The following PLD5 variants were observed in gnomAD, a reference collection of about 807,000 sequenced individuals.
PLD5 encodes phospholipase D family member 5, also known as inactive phospholipase D5.
A neutral mutation model predicts 61.1 loss-of-function variants in PLD5; 36 were observed. The observed-to-expected ratio is 0.59, with a 90% CI of 0.45 to 0.78. PLD5 has a LOEUF of 0.78. Ranked by LOEUF, PLD5 falls within the 30% of genes least tolerant of loss-of-function variation. PLD5 has a pLI of 0.00. For synonymous variants in PLD5, 243 were observed against 242.8 expected (o/e 1.00, Z -0.01); for missense variants, 515 against 644.4 (o/e 0.80, Z 2.17).
chr1:242,169,752 G>T (rs1666603454), intron 5 of PLD5, among the ~76,000 whole-genome samples: 1 of 152,176 alleles, frequency 6.6e-6, no homozygotes, highest in Non-Finnish European at 1.5e-5. Context: ...TTGTGGGAGG[G>T]GAGTCCACCA....
At chr1:242,323,194 G>C (rs529190136) in intron 2 of PLD5, among the ~76,000 whole-genome samples, 2 of 151,974 alleles carry the variant, frequency 1.3e-5, no homozygotes, top group East Asian at 3.9e-4. Flanking sequence ...TGAAAATAGA[G>C]ACAAGGGGAA....
chr1:242,097,211 C>T (rs1306187811), intron 9 of PLD5, among the ~76,000 whole-genome samples: 7 of 152,224 alleles, frequency 4.6e-5, no homozygotes, highest in Admixed American at 6.5e-5. Flanking sequence ...AATAAACATA[C>T]GTGTGCATGT....
At chr1:242,330,138 G>T (rs1175615510) in intron 2 of PLD5, among the ~76,000 whole-genome samples, 1 of 151,920 alleles carries the variant, frequency 6.6e-6, no homozygotes, top group Non-Finnish European at 1.5e-5. Flanking sequence ...TCTCCAACAG[G>T]CATCCAGGTA....
chr1:242,114,305 A>G (rs932436933), intron 6 of PLD5, among the ~76,000 whole-genome samples: 1 of 152,212 alleles, frequency 6.6e-6, no homozygotes, highest in Non-Finnish European at 1.5e-5. Flanking sequence ...TAATTGATAC[A>G]TAATTGTATA....
At position 242,327,111 on chromosome 1, in the gene PLD5, T is replaced by C. The variant is rs1215361623; in HGVS notation, c.326+20995A>G. Among the ~76,000 whole-genome samples the C allele has an allele frequency of 7.2e-5, 11 of 152,192 alleles. 1 individual carries two copies. In the South Asian group the frequency reaches 2.1e-3, roughly 29 times the overall value. ...CGATCTCCTGACCTCGTGATCCACC[T>C]GCCTCAGCCTCCCAAAGTGCTGGGA... On this transcript the variant is annotated intron_variant, in intron 2 of 9. Transcript: ENST00000536534.
chr1:242,381,810 C>A (rs1465472386), intron 1 of PLD5, among the ~76,000 whole-genome samples: 1 of 152,118 alleles, frequency 6.6e-6, no homozygotes, highest in Admixed American at 6.5e-5. Context: ...GTGCCTCCAA[C>A]AAGTGTTAGG....
chr1:242,158,161 C>T (rs967000726), intron 5 of PLD5, among the ~76,000 whole-genome samples: 2 of 152,296 alleles, frequency 1.3e-5, no homozygotes, highest in East Asian at 1.9e-4. Flanking sequence ...CTTCCCCCAC[C>T]AAGCTCAAGC....
At chr1:242,501,041 C>A (rs1668538860) in intron 1 of PLD5, among the ~76,000 whole-genome samples, 2 of 152,108 alleles carry the variant, frequency 1.3e-5, no homozygotes, top group African/African-American at 4.8e-5. Flanking sequence ...TTGTGTCAGT[C>A]CTCTACATGG....
At chr1:242,432,752 T>A (rs1204200466) in intron 1 of PLD5, among the ~76,000 whole-genome samples, 2 of 151,822 alleles carry the variant, frequency 1.3e-5, no homozygotes, top group Non-Finnish European at 2.9e-5. Flanking sequence ...TTTTCCCAAT[T>A]AGATTTGTGA....
intron 5 of PLD5, among the ~76,000 whole-genome samples, chr1:242,164,362 T>C (rs1243267345): frequency 6.6e-6 from 1 of 150,976 alleles, no homozygotes; most frequent in Non-Finnish European, 1.5e-5. Flanking sequence ...TGTACACCCC[T>C]GGAAGGTTCT....
rs1659549594 is a variant in PLD5, at chr1:242,087,990, C to T, written c.*1864G>A. 1.3e-5 allele frequency: 2 copies of T among 152,278 alleles called. No homozygotes were observed. Among genetic ancestry groups the T allele is most frequent in the East Asian group, 1.9e-4 (1 of 5,180 alleles). The allele number at this position is 152,278 out of a possible 1,614,324, so 9.4% of individuals were successfully genotyped here. A position where few individuals can be genotyped will look rare whatever the true frequency, so the allele number is the denominator to read the frequency against. ...TGGTTAAATATCTAGTGAAGCAATA[C>T]TTGCAAATAACAAGAAGGGAAGTAA... On this transcript the variant is annotated 3_prime_UTR_variant, in exon 10 of 10. Coordinates refer to ENST00000536534, the MANE Select transcript of PLD5 (RefSeq NM_001372062.1).
At chr1:242,480,095 A>G (rs1285496666) in intron 1 of PLD5, among the ~76,000 whole-genome samples, 2 of 152,066 alleles carry the variant, frequency 1.3e-5, no homozygotes, top group Admixed American at 1.3e-4. Context: ...AGCTTACATA[A>G]TTTGACTTCA....
chr1:242,390,234 AT>A (rs1323523858), intron 1 of PLD5, among the ~76,000 whole-genome samples: 1 of 151,970 alleles, frequency 6.6e-6, no homozygotes, highest in Non-Finnish European at 1.5e-5. Context: ...TAATTTTTAT[AT>A]TTTTAGCAGA....
intron 1 of PLD5, among the ~76,000 whole-genome samples, chr1:242,478,583 G>A (rs746962406): frequency 5.9e-5 from 9 of 152,084 alleles, no homozygotes; most frequent in Admixed American, 2.0e-4. Flanking sequence ...TCTTGAAAAG[G>A]TTCAAGCTTA....
intron 1 of PLD5, among the ~76,000 whole-genome samples, chr1:242,393,234 A>G (rs1558523342): frequency 5.2e-5 from 4 of 76,264 alleles, no homozygotes; most frequent in Non-Finnish European, 9.8e-5. Flanking sequence ...GAGTATATAT[A>G]TGTGTATATA....
rs972557170 is a variant in PLD5 at position 242,469,491 on chromosome 1, G to C, written c.189+54597C>G. On this transcript the variant is annotated intron_variant, in intron 1 of 9. Transcript: ENST00000536534. Reference sequence around the variant, plus strand: ...TCACATTTTGGTCCATTATTCTATTGAGTTGTCTTTTCTCATGTATTTGTA... The same window carrying C: ...TCACATTTTGGTCCATTATTCTATTCAGTTGTCTTTTCTCATGTATTTGTA... Among the ~76,000 whole-genome samples the C allele has an allele frequency of 2.6e-5, 4 of 152,026 alleles. No homozygotes were observed. In the South Asian group the frequency reaches 6.2e-4, roughly 24 times the overall value.
intron 1 of PLD5, among the ~76,000 whole-genome samples, chr1:242,406,494 C>A (rs1457920662): frequency 6.6e-6 from 1 of 152,182 alleles, no homozygotes; most frequent in Non-Finnish European, 1.5e-5. Context: ...CTGTGGATCC[C>A]TAAAGGTTGA....
chr1:242,521,843 G>A (rs1039930012), intron 1 of PLD5, among the ~76,000 whole-genome samples: 2 of 152,018 alleles, frequency 1.3e-5, no homozygotes, highest in African/African-American at 4.8e-5. Flanking sequence ...ATGATACCAG[G>A]TTACATTTGT....
At chr1:242,376,322 C>T (rs1334871400) in intron 1 of PLD5, among the ~76,000 whole-genome samples, 1 of 152,266 alleles carries the variant, frequency 6.6e-6, no homozygotes, top group African/African-American at 2.4e-5. Context: ...CACCCTTCGG[C>T]GTGGCCTGAA....
Sources: gnomAD v4.1 joint callset for allele counts (sites outside exome capture counted in the v4.1 genomes callset) on GRCh38, gnomAD v4.1.1 for gene constraint, MANE v1.5 for transcripts, NCBI Gene and HGNC (gene_info 2026-07-23, HGNC 2026-07-21) for gene names.